ZNF316: variants seen among roughly 807,000 people sequenced by gnomAD.
ZNF316 encodes the protein zinc finger protein 316.
ZNF316 carries 23 observed loss-of-function variants against 75.6 expected under a neutral mutation model. The ratio of observed to expected loss-of-function variants is 0.30; its 90% CI spans 0.22 to 0.43. The LOEUF (loss-of-function observed/expected upper bound fraction) is 0.43, where lower values mean the gene tolerates loss of function less well. ZNF316 is among the 20% of genes least tolerant of loss of function. ZNF316 has a pLI of 1.00. For synonymous variants in ZNF316, 827 were observed against 666.2 expected, an observed-to-expected ratio of 1.24 and a Z score of -3.72; for missense variants, 1,266 against 1,409.4, an observed-to-expected ratio of 0.90 and a Z score of 1.63.
Position 6,639,789 on chromosome 7 carries a change from C to G in ZNF316, c.-167+648C>G, listed in dbSNP as rs924663981. Among the ~76,000 whole-genome samples, 1 of 152,150 alleles carries G rather than the reference C, an allele frequency of 6.6e-6. No individual in the cohort carries two copies. The highest frequency in any genetic ancestry group is 2.4e-5 in the African/African-American group (1 of 41,436). Reference sequence around the variant, plus strand: ...CTCAAGTGGGTGGCAGTTGGGAAACCGTTGCTGCGTGTACCCAGCGCCCTG... The same window carrying G: ...CTCAAGTGGGTGGCAGTTGGGAAACGGTTGCTGCGTGTACCCAGCGCCCTG... On this transcript the variant is annotated intron_variant, in intron 3 of 8. Coordinates refer to ENST00000382252, the MANE Select transcript of ZNF316 (RefSeq NM_001278559.2). This position sits in a 1 kb window ranked among gnomAD's most constrained non-coding sequence, Gnocchi z 4.2.
At chr7:6,648,025 CCA>C (rs1779439956) in intron 8 of ZNF316, among the ~76,000 whole-genome samples, 1 of 152,200 alleles carries the variant, frequency 6.6e-6, no homozygotes, top group East Asian at 1.9e-4. Context: ...CCACTGCCTC[CCA>C]CACAGTTAAA....
rs977508757 is a variant in ZNF316, at chr7:6,657,096, C to A, written c.*2485C>A. ...GCAACCTCTGCCTCCCAGGTTCAAGCGATTCTCCTGCCTCAGACTGCCGAG... is the reference window on the plus strand; with the variant it reads ...GCAACCTCTGCCTCCCAGGTTCAAGAGATTCTCCTGCCTCAGACTGCCGAG... On this transcript the variant is annotated 3_prime_UTR_variant, in exon 9 of 9. Transcript: ENST00000382252. 6.6e-6 allele frequency among the ~76,000 whole-genome samples: 1 copy of A among 151,988 alleles called. No homozygotes were observed. The highest frequency in any genetic ancestry group is 1.5e-5 in the Non-Finnish European group (1 of 68,008).
rs1779644110 is a variant in ZNF316 at position 6,657,302 on chromosome 7, C to G, written c.*2691C>G. On this transcript the variant is annotated 3_prime_UTR_variant, in exon 9 of 9. Coordinates refer to ENST00000382252, the MANE Select transcript of ZNF316 (RefSeq NM_001278559.2). The stretch of plus-strand genomic sequence containing the variant: ...AGTCACCGCGCCCGGCCAGAGCAAC[C>G]TAATATTTCAAAAAAAAAAAAAAAA... Among the ~76,000 whole-genome samples the G allele has an allele frequency of 9.3e-6, 1 of 107,694 alleles. No individual in the cohort carries two copies. The highest frequency in any genetic ancestry group is 1.7e-5 in the Non-Finnish European group (1 of 59,292). The allele number at this position is 107,694 out of a possible 152,430, so 70.7% of individuals were successfully genotyped here.
chr7:6,652,641 G>T lies in ZNF316; in HGVS notation c.1045G>T (p.Val349Leu). The change falls in exon 9 of 9, where the codon GTG becomes TTG. Residue 349 changes from valine (V) to leucine (L), a missense_variant. This residue lies in a region of ZNF316 where 961 missense variants were observed against 990.9 expected (regional missense o/e 0.97). Coordinates refer to ENST00000382252, the MANE Select transcript of ZNF316 (RefSeq NM_001278559.2). ...PAGRPETTCD[V>L]CGKVFPHRSR... ...CGGGAGGCCGGAGACCACGTGCGAC[G>T]TGTGCGGCAAGGTCTTCCCGCACCG... The T allele has an allele frequency of 8.1e-7, 1 of 1,230,824 alleles. No homozygotes were observed. The highest frequency in any genetic ancestry group is 1.0e-6 in the Non-Finnish European group (1 of 987,190). The allele number at this position is 1,230,824 out of a possible 1,614,324, so 76.2% of individuals were successfully genotyped here. A position where few individuals can be genotyped will look rare whatever the true frequency, so the allele number is the denominator to read the frequency against.
rs1446629508 is a variant in ZNF316, at chr7:6,653,400, G to A, written c.1804G>A (p.Val602Met). ...CCACCCGCTGGGCTTCCACTTCCCCGTGCACCCCAAGTCCTGGCTGCACCC... is the reference window on the plus strand; with the variant it reads ...CCACCCGCTGGGCTTCCACTTCCCCATGCACCCCAAGTCCTGGCTGCACCC... ...SSHPLGFHFP[V>M]HPKSWLHPDS... Residue 602 changes from valine to methionine, a missense_variant, in exon 9 of 9, where the codon GTG becomes ATG. Val to Met is a conservative substitution (Grantham distance 21, BLOSUM62 1). This residue lies in a region of ZNF316 where 961 missense variants were observed against 990.9 expected (regional missense o/e 0.97). Transcript: ENST00000382252. The A allele has an allele frequency of 6.5e-6, 8 of 1,227,040 alleles. No homozygotes were observed. The highest frequency in any genetic ancestry group is 8.5e-5 in the Admixed American group (2 of 23,464). The allele number at this position is 1,227,040 out of a possible 1,614,324, so 76.0% of individuals were successfully genotyped here.
Position 6,654,229 on chromosome 7 carries a change from G to A in ZNF316, c.2633G>A (p.Arg878Gln). 8.2e-7 allele frequency: 1 copy of A among 1,221,864 alleles called. No homozygotes were observed. The allele number at this position is 1,221,864 out of a possible 1,614,324, so 75.7% of individuals were successfully genotyped here. A position where few individuals can be genotyped will look rare whatever the true frequency, so the allele number is the denominator to read the frequency against. The change falls in exon 9 of 9, where the codon CGG becomes CAG. Residue 878 changes from arginine to glutamine, a missense_variant. Transcript: ENST00000382252. ...CAGCGCTCCAACCTGGCCAAGCACC[G>A]GCGCGGCCACACGGGCGAACGCCCC... ...FAQRSNLAKH[R>Q]RGHTGERPFP...
chr7:6,649,372 G>T (rs1241679997), intron 8 of ZNF316, among the ~76,000 whole-genome samples: 1 of 152,170 alleles, frequency 6.6e-6, no homozygotes, highest in African/African-American at 2.4e-5. Context: ...CATGGTTCCT[G>T]CCCCAGTGCC....
At chr7:6,644,091 A>G in intron 7 of ZNF316, 143 bp downstream of exon 7, 3 of 928,168 alleles carry the variant, frequency 3.2e-6, no homozygotes, top group Non-Finnish European at 4.2e-6. Flanking sequence ...GGGAAGCCCT[A>G]GGACCCCATG....
At position 6,653,558 on chromosome 7, in the gene ZNF316, CGGCGGCGGGGCCGCG is replaced by C. The variant is rs1179992655; in HGVS notation, c.1971_1985del (p.Ala658_Gly662del). The C allele has an allele frequency of 7.4e-5, 87 of 1,169,064 alleles. No individual in the cohort carries two copies. The highest frequency in any genetic ancestry group is 7.0e-4 in the Middle Eastern group (2 of 2,860). The allele number at this position is 1,169,064 out of a possible 1,614,324, so 72.4% of individuals were successfully genotyped here. ...CCGGGCTGGCGTGCGACCCTTTCGG[CGGCGGCGGGGCCGCG>C]GGCGGCGGAGGCGGCCTGCGCGCGT... On this transcript the variant is annotated inframe_deletion, in exon 9 of 9. Transcript: ENST00000382252.
rs769746317 is a variant in ZNF316, at chr7:6,642,170, A to T, written c.-29+208A>T. On this transcript the variant is annotated intron_variant, in intron 4 of 8. Coordinates refer to ENST00000382252, the MANE Select transcript of ZNF316 (RefSeq NM_001278559.2). The surrounding 1 kb of genome is among the most constrained non-coding windows in gnomAD (Gnocchi z 8.1). The stretch of plus-strand genomic sequence containing the variant: ...ATCCCAGGGGTCACGCGGAGGGGCC[A>T]TTGGGGCAGCCTTTCTGGGTACAGA... 8 of 378,182 alleles carry T rather than the reference A, an allele frequency of 2.1e-5. No individual in the cohort carries two copies. The highest frequency in any genetic ancestry group is 3.3e-5 in the Non-Finnish European group (7 of 213,494). 23.4% of individuals were successfully genotyped at this position (378,182 alleles called of 1,614,324 possible).
In ZNF316 at chr7:6,642,638, G is replaced by A. The variant is rs1366391982; in HGVS notation, c.229G>A (p.Val77Met). 1.6e-6 allele frequency: 2 copies of A among 1,235,902 alleles called. No individual in the cohort carries two copies. The highest frequency in any genetic ancestry group is 3.1e-5 in the East Asian group (1 of 31,852). The allele number at this position is 1,235,902 out of a possible 1,614,324, so 76.6% of individuals were successfully genotyped here. Residue 77 changes from valine (V) to methionine (M), a missense_variant, in exon 5 of 9, where the codon GTG becomes ATG. Physicochemically the swap from Val to Met is conservative, Grantham distance 21. Around this residue, in one of 3 missense-constraint regions of ZNF316, gnomAD observed 961 missense variants for 990.9 expected, o/e 0.97. Transcript: ENST00000382252. The surrounding 1 kb of genome is among the most constrained non-coding windows in gnomAD (Gnocchi z 8.1). ...GGTGGAGGCGGTGGCCGAGGTGGAG[G>A]TGGAGGCGGACGTGGAGGAGGAGGA... ...AQVEAVAEVE[V>M]EADVEEEDVK...
rs1354582611 is a variant in ZNF316, at chr7:6,639,467, A to G, written c.-167+326A>G. Among the ~76,000 whole-genome samples, 1 of 152,184 alleles carries G rather than the reference A, an allele frequency of 6.6e-6. No homozygotes were observed. The highest frequency in any genetic ancestry group is 1.5e-5 in the Non-Finnish European group (1 of 68,040). ...AGAATTACAGGGAACTGTGTCACCC[A>G]CTGGGGCCCAGGGGGCTGCCTCAGA... On this transcript the variant is annotated intron_variant, in intron 3 of 8. Coordinates refer to ENST00000382252, the MANE Select transcript of ZNF316 (RefSeq NM_001278559.2). The surrounding 1 kb of genome is among the most constrained non-coding windows in gnomAD (Gnocchi z 4.2).
chr7:6,646,638 A>G (rs1354755762), intron 8 of ZNF316, among the ~76,000 whole-genome samples: 1 of 151,810 alleles, frequency 6.6e-6, no homozygotes, highest in Non-Finnish European at 1.5e-5. Context: ...GTGGGTGTGT[A>G]AAGTCAGTCT....
chr7:6,644,204 G>A (rs1779358746), intron 7 of ZNF316, among the ~76,000 whole-genome samples: 1 of 152,102 alleles, frequency 6.6e-6, no homozygotes, highest in Non-Finnish European at 1.5e-5. Flanking sequence ...CATGGCCCCT[G>A]AAGCCTCCAG....
chr7:6,658,143 T>C lies in ZNF316; in HGVS notation c.*3532T>C. 6.6e-6 allele frequency among the ~76,000 whole-genome samples: 1 copy of C among 152,206 alleles called. No homozygotes were observed. The highest frequency in any genetic ancestry group is 1.5e-5 in the Non-Finnish European group (1 of 68,050). On this transcript the variant is annotated 3_prime_UTR_variant, in exon 9 of 9. Coordinates refer to ENST00000382252, the MANE Select transcript of ZNF316 (RefSeq NM_001278559.2). ...CTCCTTCCTTTTCTGATTCATTCCT[T>C]TTATCCTGATCTTTTCACTTAATCT...
chr7:6,644,684 G>C (rs1393137051), intron 8 of ZNF316, 91 bp downstream of exon 8: 3 of 647,652 alleles, frequency 4.6e-6, no homozygotes, highest in African/African-American at 1.9e-5. Flanking sequence ...TGCAGACCTG[G>C]TACCTGGTGC....
chr7:6,653,780 C>T lies in ZNF316; in HGVS notation c.2184C>T (p.Phe728=), dbSNP rs1779565251. 2.8e-6 allele frequency: 3 copies of T among 1,086,406 alleles called. No homozygotes were observed. The highest frequency in any genetic ancestry group is 3.4e-6 in the Non-Finnish European group (3 of 892,956). The allele number at this position is 1,086,406 out of a possible 1,614,324, so 67.3% of individuals were successfully genotyped here. A position where few individuals can be genotyped will look rare whatever the true frequency, so the allele number is the denominator to read the frequency against. Residue 728 remains phenylalanine (F), a synonymous_variant, in exon 9 of 9, where the codon TTC becomes TTT. Coordinates refer to ENST00000382252, the MANE Select transcript of ZNF316 (RefSeq NM_001278559.2). ...PHRCADCGKS[F]VYGSHLARHR... ...GCTGCGCCGACTGCGGCAAGAGCTT[C>T]GTGTACGGCTCGCACCTGGCGCGCC...
rs1779564268 is a variant in ZNF316, at chr7:6,653,750, G to A, written c.2154G>A (p.Pro718=). The A allele has an allele frequency of 2.7e-6, 3 of 1,093,690 alleles. No homozygotes were observed. Among genetic ancestry groups the A allele is most frequent in the East Asian group, 5.0e-5 (1 of 19,820 alleles). 67.7% of individuals were successfully genotyped at this position (1,093,690 alleles called of 1,614,324 possible). Residue 718 remains proline (P), a synonymous_variant, in exon 9 of 9, where the codon CCG becomes CCA. Coordinates refer to ENST00000382252, the MANE Select transcript of ZNF316 (RefSeq NM_001278559.2). ...KHQRYHAGER[P]HRCADCGKSF... is the part of the protein sequence containing the mutation. ...AGCGCTACCACGCGGGCGAGCGGCC[G>A]CATCGCTGCGCCGACTGCGGCAAGA...
At position 6,637,630 on chromosome 7, in the gene ZNF316, C is replaced by G. The variant is rs1365199659; in HGVS notation, c.-431+183C>G. 1.3e-5 allele frequency among the ~76,000 whole-genome samples: 2 copies of G among 150,204 alleles called. No individual in the cohort carries two copies. The highest frequency in any genetic ancestry group is 4.9e-5 in the African/African-American group (2 of 41,172). On this transcript the variant is annotated intron_variant, in intron 1 of 8. Transcript: ENST00000382252. The surrounding 1 kb of genome is among the most constrained non-coding windows in gnomAD (Gnocchi z 6.2). ...AGTCGGAGCGGAACGCGGGTAGGGACTTCCGCGGCAGCGCCCCCGCCTCCC... is the reference window on the plus strand; with the variant it reads ...AGTCGGAGCGGAACGCGGGTAGGGAGTTCCGCGGCAGCGCCCCCGCCTCCC...
Sources: gnomAD v4.1 joint callset for allele counts (sites outside exome capture counted in the v4.1 genomes callset) on GRCh38, gnomAD v4.1.1 for gene constraint, gnomAD v4.1.1 regional missense constraint, Gnocchi (gnomAD v3.1) non-coding constraint, MANE v1.5 for transcripts, NCBI Gene and HGNC (gene_info 2026-07-23, HGNC 2026-07-21) for gene names.